The following MAPRE2 variants were observed in gnomAD, a reference collection of about 807,000 sequenced individuals.
MAPRE2 encodes microtubule-associated protein RP/EB family member 2.
MAPRE2 carries 13 observed loss-of-function variants against 43.2 expected under a neutral mutation model. The ratio of observed to expected loss-of-function variants is 0.30; its 90% CI spans 0.20 to 0.48. MAPRE2 has a LOEUF of 0.48. Among genes scored for constraint, MAPRE2 ranks in the 20% least tolerant of loss-of-function variants. The pLI is 0.99. For synonymous variants in MAPRE2, 135 were observed against 148.8 expected, an observed-to-expected ratio of 0.91 and a Z score of 0.68; for missense variants, 161 against 400.2, an observed-to-expected ratio of 0.40 and a Z score of 5.10.
At chr18:35,128,952 G>C (rs1910025689) in intron 5 of MAPRE2, among the ~76,000 whole-genome samples, 1 of 152,078 alleles carries the variant, frequency 6.6e-6, no homozygotes, top group South Asian at 2.1e-4. Context: ...ATCACACACA[G>C]AGCCCCATCC....
At chr18:35,036,374 A>G (rs2097050605) in intron 2 of MAPRE2, among the ~76,000 whole-genome samples, 1 of 152,120 alleles carries the variant, frequency 6.6e-6, no homozygotes, top group Non-Finnish European at 1.5e-5. Flanking sequence ...TGTCAACATC[A>G]GACTTTTTTG....
intron 2 of MAPRE2, among the ~76,000 whole-genome samples, chr18:35,007,170 T>A (rs1400734300): frequency 1.3e-5 from 2 of 152,204 alleles, no homozygotes; most frequent in African/African-American, 2.4e-5. Flanking sequence ...CTTTGAAAAC[T>A]GATCTTGTAC....
At chr18:35,106,293 A>G (rs1345817021) in intron 4 of MAPRE2, among the ~76,000 whole-genome samples, 3 of 151,862 alleles carry the variant, frequency 2.0e-5, no homozygotes, top group Non-Finnish European at 4.4e-5. Context: ...GGAATACTTG[A>G]TTTATTTTTT....
chr18:35,028,784 T>G (rs1165245679), intron 2 of MAPRE2, among the ~76,000 whole-genome samples: 1 of 152,228 alleles, frequency 6.6e-6, no homozygotes, highest in African/African-American at 2.4e-5. Flanking sequence ...ATTGCATCAT[T>G]GAAGGCAGAT....
In MAPRE2 at chr18:35,143,363, C is replaced by T. The variant is rs1446855983; in HGVS notation, c.*2994C>T. 3.3e-5 allele frequency: 5 copies of T among 151,786 alleles called. No individual in the cohort carries two copies. Among genetic ancestry groups the T allele is most frequent in the Non-Finnish European group, 5.9e-5 (4 of 67,952 alleles). 9.4% of individuals were successfully genotyped at this position (151,786 alleles called of 1,614,324 possible). ...ATGTATCACATTCATTTTACATTAC[C>T]CACCTATTGTCGCATGGTAGAATAG... is the stretch of plus-strand genomic sequence containing the variant. On this transcript the variant is annotated 3_prime_UTR_variant, in exon 7 of 7. Coordinates refer to ENST00000300249, the MANE Select transcript of MAPRE2 (RefSeq NM_014268.4).
chr18:35,095,398 A>C (rs200325536), intron 2 of MAPRE2, among the ~76,000 whole-genome samples: 2 of 118,824 alleles, frequency 1.7e-5, no homozygotes, highest in Non-Finnish European at 3.3e-5. Flanking sequence ...ACACACACAC[A>C]CACGCACACA....
chr18:34,993,992 C>CTTTT (rs11301716), intron 1 of MAPRE2, among the ~76,000 whole-genome samples: 21 of 120,008 alleles, frequency 1.7e-4, no homozygotes, highest in East Asian at 2.6e-4. Context: ...CATGGATTTT[C>CTTTT]TTTTTTTTTT....
At chr18:35,045,247 C>T (rs1336061992) in intron 1 of MAPRE2, among the ~76,000 whole-genome samples, 1 of 152,180 alleles carries the variant, frequency 6.6e-6, no homozygotes, top group Non-Finnish European at 1.5e-5. Context: ...CTCTGGATCT[C>T]CCTGGAGAGG....
chr18:35,101,273 A>G (rs1354384671), intron 3 of MAPRE2, among the ~76,000 whole-genome samples: 2 of 152,076 alleles, frequency 1.3e-5, no homozygotes, highest in Non-Finnish European at 2.9e-5. Context: ...TAATTTTTGT[A>G]TGTACATAGT....
At chr18:35,035,238 C>T (rs1420654541) in intron 2 of MAPRE2, among the ~76,000 whole-genome samples, 1 of 151,694 alleles carries the variant, frequency 6.6e-6, no homozygotes, top group Admixed American at 6.6e-5. Flanking sequence ...TGGAAATCAT[C>T]ATTCTCAGTA....
chr18:34,981,928 A>G (rs1361023983), intron 1 of MAPRE2, among the ~76,000 whole-genome samples: 1 of 140,654 alleles, frequency 7.1e-6, no homozygotes, highest in Non-Finnish European at 1.5e-5. Context: ...TCTGTCTCCC[A>G]GGCTGGAGTG....
intron 1 of MAPRE2, among the ~76,000 whole-genome samples, chr18:35,042,145 T>G (rs1378408241): frequency 6.6e-6 from 1 of 152,160 alleles, no homozygotes; most frequent in East Asian, 1.9e-4. Flanking sequence ...AACCGCCAGA[T>G]TGATGGAGCT....
intron 1 of MAPRE2, among the ~76,000 whole-genome samples, chr18:34,978,853 G>A (rs910302371): frequency 6.6e-6 from 1 of 152,090 alleles, no homozygotes; most frequent in African/African-American, 2.4e-5. Context: ...GAATCATCTG[G>A]GGAGCTTTGA....
At chr18:34,985,554 A>T (rs1202876257) in intron 1 of MAPRE2, among the ~76,000 whole-genome samples, 1 of 62,706 alleles carries the variant, frequency 1.6e-5, no homozygotes, top group African/African-American at 6.2e-5. Flanking sequence ...TATATATATT[A>T]TATATTATAA....
intron 1 of MAPRE2, among the ~76,000 whole-genome samples, chr18:35,054,108 C>T (rs1906095750): frequency 1.3e-5 from 2 of 152,114 alleles, no homozygotes; most frequent in Non-Finnish European, 2.9e-5. Context: ...CATTCCCATT[C>T]CATCTAATTT....
At chr18:35,113,113 G>T (rs1158508028) in intron 4 of MAPRE2, among the ~76,000 whole-genome samples, 4 of 152,182 alleles carry the variant, frequency 2.6e-5, no homozygotes, top group African/African-American at 7.2e-5. Flanking sequence ...TATAGATCTG[G>T]GGGGGAACAC....
At chr18:34,995,896 G>A (rs2097026253) in intron 1 of MAPRE2, among the ~76,000 whole-genome samples, 1 of 152,074 alleles carries the variant, frequency 6.6e-6, no homozygotes, top group Non-Finnish European at 1.5e-5. Context: ...GTGGTCTTTA[G>A]ACCAGCAGCA....
intron 2 of MAPRE2, among the ~76,000 whole-genome samples, chr18:35,075,085 G>A (rs1907282209): frequency 6.6e-6 from 1 of 152,168 alleles, no homozygotes; most frequent in Non-Finnish European, 1.5e-5. Flanking sequence ...CTGGTATTTT[G>A]TTCTTCCAGG....
chr18:35,081,128 T>C (rs1907610197), intron 2 of MAPRE2, among the ~76,000 whole-genome samples: 1 of 152,234 alleles, frequency 6.6e-6, no homozygotes, highest in Non-Finnish European at 1.5e-5. Flanking sequence ...TGAAAAGATG[T>C]ACATCAACTT....
Sources: allele counts gnomAD v4.1 joint callset (sites outside exome capture counted in the v4.1 genomes callset), GRCh38; gene constraint gnomAD v4.1.1; transcripts MANE v1.5; gene names NCBI Gene and HGNC (gene_info 2026-07-23, HGNC 2026-07-21).